The following UBAP2 variants were observed in gnomAD, a reference collection of about 807,000 sequenced individuals.
UBAP2 encodes ubiquitin-associated protein 2.
In UBAP2, 75 loss-of-function variants were observed where a neutral mutation model predicts 139.6. The ratio of observed to expected loss-of-function variants is 0.54; its 90% CI spans 0.45 to 0.65. The LOEUF is 0.65. UBAP2 is among the 30% of genes least tolerant of loss of function. The probability of loss-of-function intolerance (pLI) is 0.00; values close to 1 mark genes in which losing one functional copy is unlikely to be tolerated. For synonymous variants in UBAP2, 526 were observed against 526.2 expected (o/e 1.00, Z 0.01); for missense variants, 1,368 against 1,369.6 (o/e 1.00, Z 0.02).
chr9:33,953,962 A>G (rs890892316), intron 11 of UBAP2, among the ~76,000 whole-genome samples: 6 of 151,532 alleles, frequency 4.0e-5, no homozygotes, highest in African/African-American at 1.5e-4. Context: ...GCTGGAATGC[A>G]GTGGTGTGAC....
chr9:33,984,731 G>A (rs1423179162), intron 6 of UBAP2, among the ~76,000 whole-genome samples: 1 of 151,602 alleles, frequency 6.6e-6, no homozygotes, highest in Non-Finnish European at 1.5e-5. Flanking sequence ...TATACAAATG[G>A]CCAAAAGGTA....
rs750797076 is a variant in UBAP2 at position 34,017,162 on chromosome 9, A to T, written c.-14T>A. The T allele has an allele frequency of 6.5e-7, 1 of 1,536,150 alleles. No homozygotes were observed. The highest frequency in any genetic ancestry group is 8.8e-7 in the Non-Finnish European group (1 of 1,137,908). On this transcript the variant is annotated 5_prime_UTR_variant, in exon 2 of 29. Coordinates refer to ENST00000379238, the MANE Select transcript of UBAP2 (RefSeq NM_001370062.2). ...TGAAGTCATCATATACAGTATATAC[A>T]AAATAATGTATGTACAAAATAGAAA...
chr9:34,035,887 A>C (rs1429660599), intron 1 of UBAP2, among the ~76,000 whole-genome samples: 6 of 112,980 alleles, frequency 5.3e-5, no homozygotes, highest in Admixed American at 1.1e-4. Flanking sequence ...GACATACTGC[A>C]CATTCTCTCT....
At chr9:34,046,077 A>G (rs1244647343) in intron 1 of UBAP2, among the ~76,000 whole-genome samples, 1 of 151,924 alleles carries the variant, frequency 6.6e-6, no homozygotes, top group Admixed American at 6.6e-5. Context: ...TTTACTCAAA[A>G]TAACAACTAA....
chr9:33,922,765 TG>T lies in UBAP2; in HGVS notation c.3185del (p.Pro1062HisfsTer149). On this transcript the variant is annotated frameshift_variant, in exon 28 of 29. Transcript: ENST00000379238. LOFTEE classifies it high-confidence loss of function. Reference sequence around the variant, plus strand: ...GGGCTGGCAAGATGTGTAGGAATGGTGGGGGTGCATAGCCAGGGGCCGCTCC... The same window carrying T: ...GGGCTGGCAAGATGTGTAGGAATGGTGGGGTGCATAGCCAGGGGCCGCTCC... ...ASGAAPGYAP[P>X]PFLHILPAHQ... 3 of 1,559,160 alleles carry T rather than the reference TG, an allele frequency of 1.9e-6. No homozygotes were observed. The highest frequency in any genetic ancestry group is 1.2e-5 in the South Asian group (1 of 81,310).
intron 13 of UBAP2, among the ~76,000 whole-genome samples, 169 bp downstream of exon 13, chr9:33,948,205 G>A (rs1260929368): frequency 6.6e-6 from 1 of 152,088 alleles, no homozygotes; most frequent in Admixed American, 6.6e-5. Context: ...ACAAATAAAT[G>A]CAAGTATTGT....
chr9:34,034,214 T>C lies in UBAP2; in HGVS notation c.-42+14611A>G, dbSNP rs149962543. ...GTCATTTTGAGACAGTTACATCATCTCTAGGTTTTATTACAAGCCTAAAAT... is the reference window on the plus strand; with the variant it reads ...GTCATTTTGAGACAGTTACATCATCCCTAGGTTTTATTACAAGCCTAAAAT... On this transcript the variant is annotated intron_variant, in intron 1 of 28. Coordinates refer to ENST00000379238, the MANE Select transcript of UBAP2 (RefSeq NM_001370062.2). 1.9e-3 allele frequency among the ~76,000 whole-genome samples: 287 copies of C among 152,316 alleles called. 2 individuals carry two copies. Among genetic ancestry groups the C allele is most frequent in the African/African-American group, 6.4e-3 (268 of 41,572 alleles).
chr9:33,996,171 CT>C, intron 4 of UBAP2, 51 bp downstream of exon 4: 1 of 1,379,232 alleles, frequency 7.3e-7, no homozygotes, highest in East Asian at 2.3e-5. Context: ...TGAAAATGTG[CT>C]ACGGAATTGG....
intron 1 of UBAP2, among the ~76,000 whole-genome samples, chr9:34,030,149 A>C (rs1289435842): frequency 6.6e-6 from 1 of 152,040 alleles, no homozygotes; most frequent in Non-Finnish European, 1.5e-5. Context: ...AAAAAGTTTA[A>C]AAATCAGCCA....
At chr9:33,923,083 C>A (rs376006591) in intron 26 of UBAP2, 50 bp from the exon 27 acceptor site, 2 of 1,613,362 alleles carry the variant, frequency 1.2e-6, no homozygotes, top group East Asian at 2.2e-5. Flanking sequence ...CAGCTCCAGG[C>A]TCCCCACCTC....
intron 10 of UBAP2, among the ~76,000 whole-genome samples, chr9:33,958,230 A>C (rs1826729059): frequency 6.6e-6 from 1 of 151,632 alleles, no homozygotes; most frequent in South Asian, 2.1e-4. Flanking sequence ...CCAAAGTGCT[A>C]GGGTTACAGG....
intron 1 of UBAP2, among the ~76,000 whole-genome samples, chr9:34,032,611 A>T (rs1825978422): frequency 6.6e-6 from 1 of 152,170 alleles, no homozygotes; most frequent in Admixed American, 6.6e-5. Context: ...GACCACAACC[A>T]GTCACAGAGA....
intron 6 of UBAP2, among the ~76,000 whole-genome samples, chr9:33,980,410 A>AT (rs35494081): frequency 0.2 from 27,224 of 134,386 alleles, 2,630 homozygotes; most frequent in South Asian, 0.36. Flanking sequence ...CTTTTTTTGT[A>AT]TTTTTTTTTT....
rs538252317 is a variant in UBAP2, at chr9:33,943,317, G to T, written c.1715+103C>A. The T allele has an allele frequency of 5.0e-5, 61 of 1,210,104 alleles. No individual in the cohort carries two copies. The South Asian group carries it at 8.7e-4, about 17-fold the overall frequency. The allele number at this position is 1,210,104 out of a possible 1,614,324, so 75.0% of individuals were successfully genotyped here. ...TCTTATGGAGATGATGGAAGGTCTGGATAAACACTGAGGATAGCTATTACC... is the reference window on the plus strand; with the variant it reads ...TCTTATGGAGATGATGGAAGGTCTGTATAAACACTGAGGATAGCTATTACC... On this transcript the variant is annotated intron_variant, in intron 15 of 28. Coordinates refer to ENST00000379238, the MANE Select transcript of UBAP2 (RefSeq NM_001370062.2).
intron 12 of UBAP2, 77 bp downstream of exon 12, chr9:33,953,208 G>T: frequency 7.7e-7 from 1 of 1,305,404 alleles, no homozygotes; most frequent in Non-Finnish European, 1.0e-6. Context: ...TAATTATAAA[G>T]CATGTATCAT....
chr9:33,936,947 A>AAAC, intron 16 of UBAP2, among the ~76,000 whole-genome samples: 2 of 148,838 alleles, frequency 1.3e-5, no homozygotes, highest in South Asian at 4.2e-4. Flanking sequence ...AAAAAAAAAA[A>AAAC]AAAAACAGTC....
At chr9:34,023,783 C>T (rs1454109124) in intron 1 of UBAP2, among the ~76,000 whole-genome samples, 3 of 152,166 alleles carry the variant, frequency 2.0e-5, no homozygotes, top group Admixed American at 6.5e-5. Flanking sequence ...CAGTAGCTCA[C>T]GCCTGTAATC....
In UBAP2 at chr9:34,008,398, T is replaced by C. The variant is rs539369477; in HGVS notation, c.99+8652A>G. Among the ~76,000 whole-genome samples the C allele has an allele frequency of 4.6e-5, 7 of 151,686 alleles. No individual in the cohort carries two copies. The East Asian group carries it at 1.2e-3, about 25-fold the overall frequency. ...AATTCTACCACCTTCTGGTTCCCTT[T>C]GAACCAGGATGGTGTGTGGAAGCAA... On this transcript the variant is annotated intron_variant, in intron 2 of 28. Transcript: ENST00000379238.
chr9:34,029,620 G>T (rs1171597230), intron 1 of UBAP2, among the ~76,000 whole-genome samples: 2 of 151,532 alleles, frequency 1.3e-5, no homozygotes, highest in African/African-American at 4.9e-5. Flanking sequence ...AGGACCACTT[G>T]GGCTCAGGAG....
Sources: allele counts gnomAD v4.1 joint callset (sites outside exome capture counted in the v4.1 genomes callset), GRCh38; gene constraint gnomAD v4.1.1; transcripts MANE v1.5; gene names NCBI Gene and HGNC (gene_info 2026-07-23, HGNC 2026-07-21).